The following CEP164 variants were observed in gnomAD, a reference collection of about 807,000 sequenced individuals.
CEP164 encodes centrosomal protein 164.
In CEP164, 162 loss-of-function variants were observed where a neutral mutation model predicts 182.7. The ratio of observed to expected loss-of-function variants is 0.89; its 90% CI spans 0.78 to 1.01. The LOEUF (loss-of-function observed/expected upper bound fraction) is 1.01. Ranked by LOEUF, CEP164 falls within the 50% of genes least tolerant of loss-of-function variation. The pLI, the probability that CEP164 is intolerant of heterozygous loss-of-function variation, is 0.00. For missense variants in CEP164, 1,735 were observed against 1,790.4 expected, an observed-to-expected ratio of 0.97 and a Z score of 0.56; for synonymous variants, 661 against 690.0, an observed-to-expected ratio of 0.96 and a Z score of 0.66.
At chr11:117,393,203 A>G (rs988914643) in intron 20 of CEP164, 77 bp downstream of exon 20, 26 of 1,549,474 alleles carry the variant, frequency 1.7e-5, no homozygotes, top group African/African-American at 5.5e-5. Context: ...ACACATGCAC[A>G]CACACATGCA....
At chr11:117,352,539 G>A (rs2039778414) in intron 5 of CEP164, among the ~76,000 whole-genome samples, 2 of 152,200 alleles carry the variant, frequency 1.3e-5, no homozygotes, top group African/African-American at 4.8e-5. Flanking sequence ...TGTTGCCAGT[G>A]TCTTCAGTGA....
At position 117,336,151 on chromosome 11, in the gene CEP164, A is replaced by G. The variant is rs141693199; in HGVS notation, c.-22+471A>G. 1,366 of 1,570,154 alleles carry G rather than the reference A, an allele frequency of 8.7e-4. 3 individuals carry two copies. Among genetic ancestry groups the G allele is most frequent in the East Asian group, 3.2e-3 (133 of 42,118 alleles). ...AGTACAACATGGCTTCTGAAGCTTG[A>G]TGGGAGAGCAGAACTGGTGAGACTT... On this transcript the variant is annotated intron_variant, in intron 2 of 32. Transcript: ENST00000278935.
intron 30 of CEP164, chr11:117,410,589 G>A (rs1292714196): frequency 2.3e-5 from 10 of 428,116 alleles, no homozygotes; most frequent in Non-Finnish European, 4.3e-5. Context: ...ATTATGAAAA[G>A]CCATAAAACA....
chr11:117,362,010 G>A lies in CEP164; in HGVS notation c.552+17G>A. 6.5e-7 allele frequency: 1 copy of A among 1,543,322 alleles called. No individual in the cohort carries two copies. ...CTCATGCTGGTAAGTACGTTCTCTTGCGTTCAGTGTCTGTAGTTCCTGTGG... is the reference window on the plus strand; with the variant it reads ...CTCATGCTGGTAAGTACGTTCTCTTACGTTCAGTGTCTGTAGTTCCTGTGG... On this transcript the variant is annotated intron_variant, in intron 6 of 32. Coordinates refer to ENST00000278935, the MANE Select transcript of CEP164 (RefSeq NM_014956.5).
intron 30 of CEP164, 144 bp downstream of exon 30, chr11:117,410,109 C>T (rs1196829732): frequency 1.2e-6 from 1 of 817,360 alleles, no homozygotes; most frequent in Admixed American, 2.0e-5. Flanking sequence ...CCAACGTTAC[C>T]ATAGTCCATT....
intron 10 of CEP164, 41 bp downstream of exon 10, chr11:117,373,872 A>G (rs1565519922): frequency 6.4e-7 from 1 of 1,566,030 alleles, no homozygotes; most frequent in Non-Finnish European, 8.8e-7. Flanking sequence ...GGTGAAGAGC[A>G]TAGATTTGTG....
chr11:117,381,669 C>A, intron 12 of CEP164, 32 bp from the exon 13 acceptor site: 1 of 1,589,454 alleles, frequency 6.3e-7, no homozygotes, highest in Middle Eastern at 2.0e-4. Context: ...AATGGAGGGG[C>A]CTGACTCTGC....
At chr11:117,396,978 C>A in intron 26 of CEP164, 113 bp from the exon 27 acceptor site, 1 of 950,692 alleles carries the variant, frequency 1.1e-6, no homozygotes, top group Non-Finnish European at 1.6e-6. Context: ...CCAGCCCTAG[C>A]CCAGCAGCTC....
chr11:117,372,884 G>A (rs1396023159), intron 9 of CEP164, among the ~76,000 whole-genome samples: 1 of 152,212 alleles, frequency 6.6e-6, no homozygotes, highest in Admixed American at 6.5e-5. Context: ...GTGACAAGAA[G>A]ACCCTTCTCG....
chr11:117,325,094 T>C (rs2035381225), upstream of CEP164, among the ~76,000 whole-genome samples: 1 of 152,094 alleles, frequency 6.6e-6, no homozygotes, highest in South Asian at 2.1e-4. Context: ...TATTTATTTA[T>C]TTATTTTTGA....
intron 4 of CEP164, among the ~76,000 whole-genome samples, chr11:117,348,581 TTTC>T (rs1417630773): frequency 2.0e-5 from 3 of 152,224 alleles, no homozygotes; most frequent in African/African-American, 7.2e-5. Flanking sequence ...TGGTTTATAC[TTTC>T]TTTTGTCATA....
Position 117,339,504 on chromosome 11 carries a change from C to T in CEP164, c.82+836C>T, listed in dbSNP as rs1030159148. Reference sequence around the variant, plus strand: ...GCACTTTGCATGTATTACCTTATTACCTTTTCCTTTGTTTTTTGTTTTTTT... The same window carrying T: ...GCACTTTGCATGTATTACCTTATTATCTTTTCCTTTGTTTTTTGTTTTTTT... On this transcript the variant is annotated intron_variant, in intron 3 of 32. Coordinates refer to ENST00000278935, the MANE Select transcript of CEP164 (RefSeq NM_014956.5). Among the ~76,000 whole-genome samples, 48 of 146,568 alleles carry T rather than the reference C, an allele frequency of 3.3e-4. 1 individual carries two copies. Among genetic ancestry groups the T allele is most frequent in the African/African-American group, 1.2e-3 (48 of 39,806 alleles).
chr11:117,334,962 C>T (rs1012447243), intron 1 of CEP164, among the ~76,000 whole-genome samples: 7 of 152,068 alleles, frequency 4.6e-5, no homozygotes, highest in Admixed American at 2.0e-4. Flanking sequence ...GATAGTACCT[C>T]GTATAGAGCA....
At chr11:117,401,766 A>G (rs1191616412) in intron 27 of CEP164, among the ~76,000 whole-genome samples, 1 of 152,166 alleles carries the variant, frequency 6.6e-6, no homozygotes, top group Non-Finnish European at 1.5e-5. Flanking sequence ...ATTTGCATAC[A>G]AGTGTGTATA....
chr11:117,408,305 C>T (rs2046942397), intron 28 of CEP164, among the ~76,000 whole-genome samples: 2 of 152,218 alleles, frequency 1.3e-5, no homozygotes, highest in African/African-American at 4.8e-5. Context: ...CAAGCCTTTA[C>T]CCTGCCCTGG....
chr11:117,347,884 AT>A (rs1167185614), intron 4 of CEP164, among the ~76,000 whole-genome samples: 1 of 152,098 alleles, frequency 6.6e-6, no homozygotes, highest in Non-Finnish European at 1.5e-5. Context: ...TCTAGGACAT[AT>A]TTACCCTGTA....
chr11:117,397,969 A>G (rs1164836867), intron 27 of CEP164, among the ~76,000 whole-genome samples: 1 of 152,124 alleles, frequency 6.6e-6, no homozygotes, highest in Non-Finnish European at 1.5e-5. Flanking sequence ...TTCAGCATTA[A>G]CCCAAAAGTC....
intron 9 of CEP164, 51 bp from the exon 10 acceptor site, chr11:117,373,700 G>T: frequency 6.6e-7 from 1 of 1,518,392 alleles, no homozygotes; most frequent in South Asian, 1.1e-5. Context: ...TAGGGACCAT[G>T]ACTCTTTGTG....
At position 117,394,957 on chromosome 11, in the gene CEP164, C is replaced by T; in HGVS notation, c.2798C>T (p.Thr933Ile). 6.2e-7 allele frequency: 1 copy of T among 1,614,166 alleles called. No homozygotes were observed. Among genetic ancestry groups the T allele is most frequent in the Non-Finnish European group, 8.5e-7 (1 of 1,180,030 alleles). ...KLQDLELDLE[T>I]RAKDVKARLA... ...CAGGATTTAGAGTTGGACCTTGAAA[C>T]CAGAGCTAAAGATGTCAAGGCCAGA... The change falls in exon 22 of 33, where the codon ACC (threonine) becomes ATC (isoleucine). Residue 933 changes from threonine to isoleucine, a missense_variant. Transcript: ENST00000278935. The surrounding 1 kb of genome is among the most constrained non-coding windows in gnomAD (Gnocchi z 4.0).
Sources: gnomAD v4.1 joint callset for allele counts (sites outside exome capture counted in the v4.1 genomes callset) on GRCh38, gnomAD v4.1.1 for gene constraint, Gnocchi (gnomAD v3.1) non-coding constraint, MANE v1.5 for transcripts, NCBI Gene and HGNC (gene_info 2026-07-23, HGNC 2026-07-21) for gene names.